The following JMJD1C variants were observed in gnomAD, a reference collection of about 807,000 sequenced individuals.
JMJD1C encodes the protein jumonji domain containing 1C, also known as jumonji domain-containing protein 1C.
JMJD1C carries 31 observed loss-of-function variants against 245.3 expected under a neutral mutation model. That is an observed-to-expected ratio of 0.13 (90% CI 0.09 to 0.17). The LOEUF (loss-of-function observed/expected upper bound fraction) is 0.17. Among genes scored for constraint, JMJD1C ranks in the 10% least tolerant of loss-of-function variants. The pLI is 1.00. For synonymous variants in JMJD1C, 1,057 were observed against 1,017.4 expected (o/e 1.04, Z -0.74); for missense variants, 2,691 against 3,000.2 (o/e 0.90, Z 2.41).
intron 2 of JMJD1C, among the ~76,000 whole-genome samples, chr10:63,364,019 C>CGCA (rs1330524279): frequency 2.0e-5 from 3 of 151,584 alleles, no homozygotes; most frequent in Non-Finnish European, 4.4e-5. Context: ...CCATTCTTGG[C>CGCA]TAATTTTTGT....
chr10:63,314,546 C>A (rs1939675792), intron 2 of JMJD1C, among the ~76,000 whole-genome samples: 1 of 121,466 alleles, frequency 8.2e-6, no homozygotes, highest in Non-Finnish European at 1.9e-5. Context: ...GACCCTGTCA[C>A]AAACACACAC....
At chr10:63,227,452 A>G (rs1849432579) in intron 3 of JMJD1C, among the ~76,000 whole-genome samples, 1 of 152,220 alleles carries the variant, frequency 6.6e-6, no homozygotes, top group African/African-American at 2.4e-5. Flanking sequence ...AAAAGTCTCA[A>G]CTGATGTCTA....
intron 1 of JMJD1C, among the ~76,000 whole-genome samples, chr10:63,464,133 C>T (rs1015997403): frequency 5.9e-5 from 9 of 152,106 alleles, no homozygotes; most frequent in Non-Finnish European, 1.3e-4. Flanking sequence ...ATTTTTAGAA[C>T]CACTAACATC....
chr10:63,400,915 T>C (rs1483293849), intron 1 of JMJD1C, among the ~76,000 whole-genome samples: 1 of 151,794 alleles, frequency 6.6e-6, no homozygotes, highest in African/African-American at 2.4e-5. Context: ...AGTTTCACTT[T>C]TGTCACCAGG....
chr10:63,212,290 T>A (rs1316086043), intron 8 of JMJD1C, among the ~76,000 whole-genome samples: 1 of 152,146 alleles, frequency 6.6e-6, no homozygotes, highest in Non-Finnish European at 1.5e-5. Flanking sequence ...TTAAAAATAT[T>A]TAAGATGGCA....
At chr10:63,287,789 C>T (rs1448745193) in intron 2 of JMJD1C, among the ~76,000 whole-genome samples, 2 of 151,766 alleles carry the variant, frequency 1.3e-5, no homozygotes, top group African/African-American at 2.4e-5. Context: ...CGCTCTGTTG[C>T]GCAAGCTGGA....
At chr10:63,276,624 C>T (rs574644022) in intron 2 of JMJD1C, among the ~76,000 whole-genome samples, 11 of 152,268 alleles carry the variant, frequency 7.2e-5, no homozygotes, top group South Asian at 4.1e-4. Context: ...ACCACCACTA[C>T]GCCCCAGCTA....
At chr10:63,303,253 G>A (rs576196547) in intron 2 of JMJD1C, among the ~76,000 whole-genome samples, 1 of 152,140 alleles carries the variant, frequency 6.6e-6, no homozygotes, top group South Asian at 2.1e-4. Context: ...CTCATTGAGG[G>A]AAGAGAGGCA....
At chr10:63,229,164 C>CT (rs201778637) in intron 3 of JMJD1C, among the ~76,000 whole-genome samples, 4 of 151,944 alleles carry the variant, frequency 2.6e-5, no homozygotes, top group African/African-American at 9.6e-5. Flanking sequence ...TAAATAAATA[C>CT]TTTTTTAAAA....
chr10:63,465,315 G>A lies in JMJD1C; in HGVS notation c.168+180C>T, dbSNP rs1418362211. 1.2e-5 allele frequency: 8 copies of A among 664,638 alleles called. 1 individual carries two copies. The highest frequency in any genetic ancestry group is 2.8e-5 in the East Asian group (1 of 35,678). The allele number at this position is 664,638 out of a possible 1,614,324, so 41.2% of individuals were successfully genotyped here. ...CGACACCACCTCCACAGGGGAAGCC[G>A]CTCGGAGAGACGCAGGGACCCAGGC... On this transcript the variant is annotated intron_variant, in intron 1 of 25. Coordinates refer to ENST00000399262, the MANE Select transcript of JMJD1C (RefSeq NM_032776.3).
intron 1 of JMJD1C, among the ~76,000 whole-genome samples, chr10:63,423,750 G>C (rs534323448): frequency 6.6e-6 from 1 of 152,118 alleles, no homozygotes; most frequent in Non-Finnish European, 1.5e-5. Flanking sequence ...ACCATTTTAC[G>C]TTCCCATCAT....
At chr10:63,330,870 T>A (rs1182542580) in intron 2 of JMJD1C, among the ~76,000 whole-genome samples, 1 of 152,202 alleles carries the variant, frequency 6.6e-6, no homozygotes, top group Non-Finnish European at 1.5e-5. Context: ...AAAGACTTAT[T>A]GTTCTTATTT....
At chr10:63,436,506 T>C (rs1951065441) in intron 1 of JMJD1C, among the ~76,000 whole-genome samples, 1 of 152,172 alleles carries the variant, frequency 6.6e-6, no homozygotes. Context: ...GAACAGCACA[T>C]TATACTAACC....
intron 2 of JMJD1C, among the ~76,000 whole-genome samples, chr10:63,322,542 C>T (rs1000347389): frequency 1.3e-5 from 2 of 152,078 alleles, no homozygotes; most frequent in African/African-American, 2.4e-5. Context: ...TGGCCAGGCA[C>T]GGTGGCTCAC....
intron 2 of JMJD1C, among the ~76,000 whole-genome samples, chr10:63,280,436 G>A (rs1274597020): frequency 1.3e-5 from 2 of 152,120 alleles, no homozygotes; most frequent in Admixed American, 1.3e-4. Flanking sequence ...TGTAGTCCCA[G>A]TTACTCGGGA....
chr10:63,366,430 G>A (rs538690911), intron 2 of JMJD1C, among the ~76,000 whole-genome samples: 60 of 152,228 alleles, frequency 3.9e-4, no homozygotes, highest in African/African-American at 1.4e-3. Context: ...TCATTTCTAC[G>A]TAACAAACTA....
chr10:63,187,684 T>C (rs1380102426), intron 18 of JMJD1C, among the ~76,000 whole-genome samples: 5 of 152,250 alleles, frequency 3.3e-5, no homozygotes, highest in African/African-American at 1.2e-4. Flanking sequence ...CGATCAATCG[T>C]CCCACCTTGG....
chr10:63,182,105 C>G (rs991841079), intron 22 of JMJD1C, among the ~76,000 whole-genome samples: 3 of 152,128 alleles, frequency 2.0e-5, no homozygotes, highest in South Asian at 4.1e-4. Context: ...ATCCCATGTC[C>G]CCAGCACCTA....
At chr10:63,299,178 A>G (rs1859794067) in intron 2 of JMJD1C, among the ~76,000 whole-genome samples, 1 of 152,060 alleles carries the variant, frequency 6.6e-6, no homozygotes, top group Non-Finnish European at 1.5e-5. Context: ...AAACATTATA[A>G]CTGAATTTTT....
Sources: gnomAD v4.1 joint callset for allele counts (sites outside exome capture counted in the v4.1 genomes callset) on GRCh38, gnomAD v4.1.1 for gene constraint, MANE v1.5 for transcripts, NCBI Gene and HGNC (gene_info 2026-07-23, HGNC 2026-07-21) for gene names.